The following AKAP10 variants were observed in gnomAD, a reference collection of about 807,000 sequenced individuals.
The protein encoded by AKAP10 is A-kinase anchor protein 10, mitochondrial.
In AKAP10, 24 loss-of-function variants were observed where a neutral mutation model predicts 80.8. The observed-to-expected ratio is 0.30, with a 90% CI of 0.22 to 0.42. The LOEUF (loss-of-function observed/expected upper bound fraction) is 0.42, where lower values mean the gene tolerates loss of function less well. Among genes scored for constraint, AKAP10 ranks in the 10% least tolerant of loss-of-function variants. AKAP10 has a pLI of 1.00. For synonymous variants in AKAP10, 291 were observed against 277.7 expected (o/e 1.05, Z -0.48); for missense variants, 661 against 794.9 (o/e 0.83, Z 2.03).
chr17:19,954,487 C>CTTTT (rs34866336), intron 4 of AKAP10, among the ~76,000 whole-genome samples: 3 of 140,414 alleles, frequency 2.1e-5, no homozygotes, highest in African/African-American at 8.0e-5. Flanking sequence ...AACCATAATA[C>CTTTT]TTTTTTTTTT....
chr17:19,909,016 A>T (rs891213773), intron 14 of AKAP10, among the ~76,000 whole-genome samples, 165 bp downstream of exon 14: 27 of 152,234 alleles, frequency 1.8e-4, no homozygotes, highest in African/African-American at 6.3e-4. Context: ...AATATATGCA[A>T]ACAGTTGTTT....
chr17:19,946,237 TTATATATATATATATATATA>T (rs1171891537), intron 5 of AKAP10, among the ~76,000 whole-genome samples: 5 of 15,176 alleles, frequency 3.3e-4, no homozygotes, highest in Non-Finnish European at 5.1e-4. Context: ...TATATATATA[TTATATATATATATATATATA>T]TATATATATA....
At position 19,964,206 on chromosome 17, in the gene AKAP10, G is replaced by A. The variant is rs116584004; in HGVS notation, c.137-1184C>T. On this transcript the variant is annotated intron_variant, in intron 2 of 14. Transcript: ENST00000225737. ...AGTCTATAGGAATGGTGAGACTCTC[G>A]CATTGTTTCTTAATTAGATGTATAT... Among the ~76,000 whole-genome samples the A allele has an allele frequency of 6.8e-3, 1,034 of 152,258 alleles. 4 individuals carry two copies. Among genetic ancestry groups the A allele is most frequent in the African/African-American group, 0.019 (769 of 41,546 alleles).
At chr17:19,946,218 T>TAC (rs2043107794) in intron 5 of AKAP10, among the ~76,000 whole-genome samples, 1 of 51,736 alleles carries the variant, frequency 1.9e-5, no homozygotes, top group Non-Finnish European at 3.7e-5. Flanking sequence ...TATATATATA[T>TAC]ATTTTATATA....
intron 4 of AKAP10, among the ~76,000 whole-genome samples, chr17:19,954,784 C>T (rs957536311): frequency 6.6e-6 from 1 of 151,856 alleles, no homozygotes; most frequent in African/African-American, 2.4e-5. Flanking sequence ...TAAGCCATGG[C>T]ACCTGGCCAA....
chr17:19,963,139 G>T, intron 2 of AKAP10, 117 bp from the exon 3 acceptor site: 1 of 749,998 alleles, frequency 1.3e-6, no homozygotes, highest in Non-Finnish European at 2.0e-6. Context: ...TCTTAAGTCA[G>T]CATACTCAGC....
chr17:19,977,442 G>A, intron 1 of AKAP10, 150 bp downstream of exon 1: 1 of 510,658 alleles, frequency 2.0e-6, no homozygotes, highest in Non-Finnish European at 3.0e-6. Context: ...GAGTCCCGGA[G>A]CAGAGCAAGG....
intron 10 of AKAP10, among the ~76,000 whole-genome samples, chr17:19,929,020 A>T (rs916863044): frequency 3.9e-5 from 6 of 152,156 alleles, no homozygotes; most frequent in Non-Finnish European, 2.9e-5. Context: ...ATAATGAGGA[A>T]TAAAATTCTG....
intron 9 of AKAP10, 114 bp downstream of exon 9, chr17:19,936,172 G>A: frequency 8.1e-7 from 1 of 1,240,180 alleles, no homozygotes; most frequent in South Asian, 1.6e-5. Context: ...TAATCACTTT[G>A]CTGGACTGCT....
chr17:19,918,669 A>G (rs952266564), intron 12 of AKAP10, among the ~76,000 whole-genome samples: 2 of 152,206 alleles, frequency 1.3e-5, no homozygotes, highest in Non-Finnish European at 2.9e-5. Flanking sequence ...TTTTCTTCTT[A>G]CAAAAATTAG....
intron 7 of AKAP10, among the ~76,000 whole-genome samples, chr17:19,940,471 C>T (rs1301856665): frequency 3.3e-5 from 5 of 152,146 alleles, no homozygotes; most frequent in Admixed American, 6.5e-5. Context: ...TTGTCTGTTG[C>T]AAATGCTTCT....
intron 9 of AKAP10, among the ~76,000 whole-genome samples, chr17:19,932,325 G>A (rs907231059): frequency 1.6e-4 from 24 of 151,626 alleles, no homozygotes; most frequent in Non-Finnish European, 2.9e-4. Flanking sequence ...GGTGGTGAGC[G>A]CCTGTAATCC....
intron 4 of AKAP10, among the ~76,000 whole-genome samples, chr17:19,957,427 A>G (rs1242106488): frequency 6.6e-6 from 1 of 152,034 alleles, no homozygotes; most frequent in Non-Finnish European, 1.5e-5. Flanking sequence ...CTGTAGTCCC[A>G]GCTATTTGGG....
rs143757691 is a variant in AKAP10, at chr17:19,965,088, C to G, written c.137-2066G>C. 2.7e-3 allele frequency among the ~76,000 whole-genome samples: 417 copies of G among 152,318 alleles called. 1 individual carries two copies. The highest frequency in any genetic ancestry group is 8.8e-3 in the African/African-American group (367 of 41,580). On this transcript the variant is annotated intron_variant, in intron 2 of 14. Coordinates refer to ENST00000225737, the MANE Select transcript of AKAP10 (RefSeq NM_007202.4). ...GTCTTGTATCACTGATTACTCGCTA[C>G]TAAGCATTCCCACCCACATTGACTT...
At chr17:19,909,488 T>C (rs542382969) in intron 13 of AKAP10, among the ~76,000 whole-genome samples, 38 of 152,354 alleles carry the variant, frequency 2.5e-4, no homozygotes, top group African/African-American at 9.1e-4. Context: ...ACTGGATACC[T>C]AACACCGAAC....
Position 19,962,898 on chromosome 17 carries a change from C to T in AKAP10, c.261G>A (p.Arg87=). The T allele has an allele frequency of 6.2e-7, 1 of 1,614,102 alleles. No individual in the cohort carries two copies. The highest frequency in any genetic ancestry group is 8.5e-7 in the Non-Finnish European group (1 of 1,179,980). Residue 87 remains arginine, a synonymous_variant, in exon 3 of 15, where the codon AGG becomes AGA. Transcript: ENST00000225737. ...TTGGCTGCTTCTTAAGTGTGGCTGTCCTGCTACTTGAAAAGGAGTCCATGT... is the reference window on the plus strand; with the variant it reads ...TTGGCTGCTTCTTAAGTGTGGCTGTTCTGCTACTTGAAAAGGAGTCCATGT... The part of the protein sequence containing the change: ...SANMDSFSSS[R]TATLKKQPSH...
rs143119727 is a variant in AKAP10 at position 19,966,324 on chromosome 17, C to T, written c.136+2090G>A. On this transcript the variant is annotated intron_variant, in intron 2 of 14. Transcript: ENST00000225737. ...CGTTCACATCTCTTTACTTCCATCA[C>T]TACCAATCTAGGCTAAGCCATCTGT... is the stretch of plus-strand genomic sequence containing the variant. Among the ~76,000 whole-genome samples the T allele has an allele frequency of 2.7e-3, 411 of 152,192 alleles. 1 individual carries two copies. Among genetic ancestry groups the T allele is most frequent in the African/African-American group, 9.2e-3 (382 of 41,540 alleles).
At chr17:19,948,631 T>C (rs2043163084) in intron 4 of AKAP10, among the ~76,000 whole-genome samples, 1 of 152,056 alleles carries the variant, frequency 6.6e-6, no homozygotes, top group African/African-American at 2.4e-5. Context: ...CCTGACTTTC[T>C]AGCCAGACAA....
chr17:19,920,240 C>G lies in AKAP10; in HGVS notation c.1752-122G>C, dbSNP rs147891332. ...GCCAGAAACACAATTTATAGCTATC[C>G]TAAGTAATTTAAAGTAGGGATTATT... On this transcript the variant is annotated intron_variant, in intron 11 of 14. Transcript: ENST00000225737. 6.1e-6 allele frequency: 4 copies of G among 659,364 alleles called. No individual in the cohort carries two copies. The East Asian group carries it at 8.5e-5, about 14-fold the overall frequency. 40.8% of individuals were successfully genotyped at this position (659,364 alleles called of 1,614,324 possible).
Sources: allele counts gnomAD v4.1 joint callset (sites outside exome capture counted in the v4.1 genomes callset), GRCh38; gene constraint gnomAD v4.1.1; transcripts MANE v1.5; gene names NCBI Gene and HGNC (gene_info 2026-07-23, HGNC 2026-07-21).